The following MRAS variants were observed in gnomAD, a reference collection of about 807,000 sequenced individuals.
MRAS encodes muscle RAS oncogene homolog.
Under a neutral mutation model 20.9 loss-of-function variants are expected in MRAS, and 4 were observed. The observed-to-expected ratio is 0.19, with a 90% CI of 0.09 to 0.44. The LOEUF (loss-of-function observed/expected upper bound fraction) is 0.44. Ranked by LOEUF, MRAS falls within the 20% of genes least tolerant of loss-of-function variation. MRAS has a pLI of 0.99. For missense variants in MRAS, 154 were observed against 277.5 expected, an observed-to-expected ratio of 0.56 and a Z score of 3.16; for synonymous variants, 98 against 102.9, an observed-to-expected ratio of 0.95 and a Z score of 0.29.
intron 4 of MRAS, among the ~76,000 whole-genome samples, chr3:138,398,851 A>C (rs1272077537): frequency 6.6e-6 from 1 of 152,190 alleles, no homozygotes; most frequent in East Asian, 1.9e-4. Flanking sequence ...GGGTGGGACC[A>C]CAGGTGGCAG....
At chr3:138,351,349 G>A (rs1169923091) in intron 1 of MRAS, among the ~76,000 whole-genome samples, 2 of 152,240 alleles carry the variant, frequency 1.3e-5, no homozygotes, top group African/African-American at 4.8e-5. Flanking sequence ...CAGAGGATGT[G>A]CATTGAGTTC....
chr3:138,398,526 G>A lies in MRAS; in HGVS notation c.405G>A (p.Lys135=), dbSNP rs2108563788. The change falls in exon 4 of 6, where the codon AAG becomes AAA. Residue 135 remains lysine (K), a synonymous_variant. Transcript: ENST00000423968. ...ANKVDLMHLR[K]ITREQGKEMA... ...AGGTCGATTTGATGCACTTGAGGAA[G>A]ATCACCAGGGAGCAAGGAAAAGAAA... The A allele has an allele frequency of 6.2e-7, 1 of 1,614,182 alleles. No homozygotes were observed. Among genetic ancestry groups the A allele is most frequent in the Non-Finnish European group, 8.5e-7 (1 of 1,180,028 alleles).
At chr3:138,354,981 C>G (rs1244877428) in intron 1 of MRAS, among the ~76,000 whole-genome samples, 3 of 152,024 alleles carry the variant, frequency 2.0e-5, no homozygotes, top group African/African-American at 7.2e-5. Context: ...GATGGGGTCT[C>G]CCTTTGTTGT....
chr3:138,355,762 C>G (rs1318626209), intron 1 of MRAS, among the ~76,000 whole-genome samples: 1 of 152,166 alleles, frequency 6.6e-6, no homozygotes, highest in East Asian at 1.9e-4. Flanking sequence ...GAAACTCCGT[C>G]TCTACTAAAA....
chr3:138,377,298 G>A (rs1214026292), intron 2 of MRAS, among the ~76,000 whole-genome samples: 1 of 152,190 alleles, frequency 6.6e-6, no homozygotes, highest in Non-Finnish European at 1.5e-5. Flanking sequence ...CACTCCATTA[G>A]ATCTGCTATT....
intron 2 of MRAS, among the ~76,000 whole-genome samples, chr3:138,390,636 A>G (rs756576442): frequency 2.6e-5 from 4 of 152,166 alleles, no homozygotes; most frequent in African/African-American, 7.2e-5. Flanking sequence ...AGAACTGCTG[A>G]CAAGGGGCCT....
At chr3:138,397,576 C>T in intron 3 of MRAS, 99 bp downstream of exon 3, 2 of 1,412,748 alleles carry the variant, frequency 1.4e-6, no homozygotes, top group East Asian at 4.8e-5. Context: ...TCTCTCACCC[C>T]TAATTAAAGG....
At chr3:138,347,813 G>C (rs2054149826), upstream of MRAS, 1 of 152,212 alleles carries the variant, frequency 6.6e-6, no homozygotes, top group Non-Finnish European at 1.5e-5. Context: ...GGCTGGTCTT[G>C]AACTCCTGAC....
chr3:138,366,836 G>A (rs1448651665), intron 1 of MRAS, among the ~76,000 whole-genome samples: 1 of 152,216 alleles, frequency 6.6e-6, no homozygotes, highest in Non-Finnish European at 1.5e-5. Context: ...ACACTGCTTT[G>A]GAAGTGATGC....
intron 1 of MRAS, among the ~76,000 whole-genome samples, chr3:138,361,849 G>A (rs139201794): frequency 8.5e-4 from 130 of 152,322 alleles, no homozygotes; most frequent in African/African-American, 3.0e-3. Flanking sequence ...CTCTTTCACT[G>A]CGGGTGAGAC....
chr3:138,386,954 G>A (rs945197803), intron 2 of MRAS, among the ~76,000 whole-genome samples: 1 of 152,258 alleles, frequency 6.6e-6, no homozygotes, highest in African/African-American at 2.4e-5. Flanking sequence ...GGGTCATTTG[G>A]TAACTCCATG....
intron 2 of MRAS, among the ~76,000 whole-genome samples, chr3:138,374,060 G>A (rs1161013060): frequency 6.6e-6 from 1 of 152,084 alleles, no homozygotes; most frequent in Admixed American, 6.6e-5. Flanking sequence ...TCGGGTTCAA[G>A]CAAATCTCTT....
rs747697719 is a variant in MRAS, at chr3:138,372,997, T to C, written c.114T>C (p.Phe38=). 1.3e-6 allele frequency: 2 copies of C among 1,568,240 alleles called. No homozygotes were observed. Among genetic ancestry groups the C allele is most frequent in the Non-Finnish European group, 8.6e-7 (1 of 1,160,018 alleles). Reference sequence around the variant, plus strand: ...CCATCCAGTTTTTCCAGAAGATCTTTGTGCCTGACTATGACCCCACCATTG... The same window carrying C: ...CCATCCAGTTTTTCCAGAAGATCTTCGTGCCTGACTATGACCCCACCATTG... The part of the protein sequence containing the change: ...ALTIQFFQKI[F]VPDYDPTIED... Residue 38 remains phenylalanine, a synonymous_variant, in exon 2 of 6, where the codon TTT becomes TTC. Transcript: ENST00000423968.
At chr3:138,357,174 C>T (rs977020763) in intron 1 of MRAS, among the ~76,000 whole-genome samples, 7 of 152,222 alleles carry the variant, frequency 4.6e-5, no homozygotes, top group African/African-American at 1.2e-4. Flanking sequence ...ATAGGAAAGA[C>T]GGCAGGGCTG....
rs543470168 is a variant in MRAS at position 138,360,675 on chromosome 3, A to T, written c.-19+11908A>T. Reference sequence around the variant, plus strand: ...CTAGGTCCTGTGTGGCCCATGGCATAGTGCCCACATCACCTCTGTCCTACT... The same window carrying T: ...CTAGGTCCTGTGTGGCCCATGGCATTGTGCCCACATCACCTCTGTCCTACT... On this transcript the variant is annotated intron_variant, in intron 1 of 5. Coordinates refer to ENST00000423968, the MANE Select transcript of MRAS (RefSeq NM_001085049.3). 6.3e-4 allele frequency among the ~76,000 whole-genome samples: 96 copies of T among 152,316 alleles called. No homozygotes were observed. The Middle Eastern group carries it at 0.02, about 32-fold the overall frequency.
chr3:138,402,579 A>T lies in MRAS; in HGVS notation c.*310A>T. The T allele has an allele frequency of 3.0e-6, 1 of 330,922 alleles. No individual in the cohort carries two copies. The highest frequency in any genetic ancestry group is 5.5e-6 in the Non-Finnish European group (1 of 180,814). 20.5% of individuals were successfully genotyped at this position (330,922 alleles called of 1,614,324 possible). ...CTCGGTGGGTGTGTTGTTTATTGTA[A>T]CTACATAGTGTTGGTTTGATGTGGA... On this transcript the variant is annotated 3_prime_UTR_variant, in exon 6 of 6. Coordinates refer to ENST00000423968, the MANE Select transcript of MRAS (RefSeq NM_001085049.3).
chr3:138,370,614 C>T (rs913971023), intron 1 of MRAS, among the ~76,000 whole-genome samples: 3 of 152,138 alleles, frequency 2.0e-5, no homozygotes, highest in African/African-American at 7.2e-5. Flanking sequence ...AACCAGATTC[C>T]GGGGCCACAG....
chr3:138,371,254 A>G (rs2054667767), intron 1 of MRAS, among the ~76,000 whole-genome samples: 1 of 152,238 alleles, frequency 6.6e-6, no homozygotes, highest in Non-Finnish European at 1.5e-5. Flanking sequence ...ATCAGGCTTC[A>G]GTAACTACAA....
chr3:138,364,565 G>T (rs1172969918), intron 1 of MRAS, among the ~76,000 whole-genome samples: 9 of 152,204 alleles, frequency 5.9e-5, no homozygotes, highest in African/African-American at 2.2e-4. Flanking sequence ...GCTGGGCAGG[G>T]AACAGCTCGA....
Sources: allele counts gnomAD v4.1 joint callset (sites outside exome capture counted in the v4.1 genomes callset), GRCh38; gene constraint gnomAD v4.1.1; transcripts MANE v1.5; gene names NCBI Gene and HGNC (gene_info 2026-07-23, HGNC 2026-07-21).